The following ARFIP1 variants were observed in gnomAD, a reference collection of about 807,000 sequenced individuals.
ARFIP1 encodes the protein ARF interacting protein 1.
ARFIP1 carries 24 observed loss-of-function variants against 42.5 expected under a neutral mutation model. The observed-to-expected ratio is 0.57, with a 90% CI of 0.41 to 0.80. The LOEUF is 0.80. Among genes scored for constraint, ARFIP1 ranks in the 30% least tolerant of loss-of-function variants. The pLI is 0.00. For synonymous variants in ARFIP1, 141 were observed against 153.7 expected (o/e 0.92, Z 0.61); for missense variants, 354 against 434.0 (o/e 0.82, Z 1.64).
At chr4:152,884,250 G>T (rs372975589) in intron 7 of ARFIP1, among the ~76,000 whole-genome samples, 1 of 152,000 alleles carries the variant, frequency 6.6e-6, no homozygotes, top group Middle Eastern at 3.4e-3. Flanking sequence ...ATAGCCTTCC[G>T]TGGAAATCTC....
intron 1 of ARFIP1, among the ~76,000 whole-genome samples, chr4:152,813,442 C>T (rs901391683): frequency 1.3e-5 from 2 of 151,784 alleles, no homozygotes; most frequent in African/African-American, 4.9e-5. Flanking sequence ...CGTTTTTCCT[C>T]TCCTCCTCTT....
intron 5 of ARFIP1, among the ~76,000 whole-genome samples, chr4:152,879,200 T>G (rs1397661679): frequency 6.6e-6 from 1 of 152,102 alleles, no homozygotes; most frequent in Non-Finnish European, 1.5e-5. Context: ...AAAAAAAGTT[T>G]ATAAGGCTCC....
At chr4:152,842,318 A>C (rs2149857254) in intron 2 of ARFIP1, among the ~76,000 whole-genome samples, 1 of 151,010 alleles carries the variant, frequency 6.6e-6, no homozygotes, top group South Asian at 2.1e-4. Flanking sequence ...CACTCTATTA[A>C]ATCTTGCAAC....
chr4:152,842,990 C>T (rs183141423), intron 2 of ARFIP1, among the ~76,000 whole-genome samples: 1 of 152,012 alleles, frequency 6.6e-6, no homozygotes, highest in Admixed American at 6.6e-5. Flanking sequence ...TGTTGAAGAG[C>T]CTTGTTTTGT....
At chr4:152,850,170 G>A (rs1287491724) in intron 2 of ARFIP1, among the ~76,000 whole-genome samples, 3 of 152,104 alleles carry the variant, frequency 2.0e-5, no homozygotes, top group African/African-American at 7.2e-5. Context: ...GATTTTAAGT[G>A]TTTTACAATT....
At chr4:152,842,665 G>A (rs1278969676) in intron 2 of ARFIP1, among the ~76,000 whole-genome samples, 2 of 151,908 alleles carry the variant, frequency 1.3e-5, no homozygotes, top group Admixed American at 6.6e-5. Flanking sequence ...CCTTGCCTTC[G>A]AGCTCGGAAT....
At chr4:152,820,169 G>A (rs1439284333) in intron 1 of ARFIP1, among the ~76,000 whole-genome samples, 1 of 152,036 alleles carries the variant, frequency 6.6e-6, no homozygotes. Context: ...TTCACCGAGA[G>A]CTTCCACAGC....
At chr4:152,815,538 T>G (rs552290980) in intron 1 of ARFIP1, among the ~76,000 whole-genome samples, 4 of 152,322 alleles carry the variant, frequency 2.6e-5, no homozygotes, top group African/African-American at 9.6e-5. Context: ...AACTTTGATA[T>G]GTCCTAAACT....
In ARFIP1 at chr4:152,870,904, A is replaced by C. The variant is rs141632694; in HGVS notation, c.298+56A>C. 15 of 1,422,886 alleles carry C rather than the reference A, an allele frequency of 1.1e-5. No homozygotes were observed. The Admixed American group carries it at 2.4e-4, about 23-fold the overall frequency. The allele number at this position is 1,422,886 out of a possible 1,614,324, so 88.1% of individuals were successfully genotyped here. ...TATTGCTACTGCTGAAGCTACACTA[A>C]TTTACTCAGTTTCATAATCACTTGC... On this transcript the variant is annotated intron_variant, in intron 4 of 8. Transcript: ENST00000353617.
intron 8 of ARFIP1, among the ~76,000 whole-genome samples, chr4:152,900,989 T>A (rs189901747): frequency 6.6e-6 from 1 of 152,232 alleles, no homozygotes; most frequent in South Asian, 2.1e-4. Flanking sequence ...CAAAAGTAAT[T>A]GCGGTTTTTG....
intron 8 of ARFIP1, among the ~76,000 whole-genome samples, chr4:152,901,651 A>G (rs935535549): frequency 6.6e-6 from 1 of 152,066 alleles, no homozygotes; most frequent in African/African-American, 2.4e-5. Flanking sequence ...TGTTACCTCT[A>G]TCTTCTTTTG....
intron 8 of ARFIP1, among the ~76,000 whole-genome samples, chr4:152,892,894 A>G (rs1339102801): frequency 6.6e-6 from 1 of 152,150 alleles, no homozygotes; most frequent in Non-Finnish European, 1.5e-5. Context: ...GACATAGCTC[A>G]TTTGTCTTCT....
intron 5 of ARFIP1, among the ~76,000 whole-genome samples, chr4:152,873,248 A>G (rs947815780): frequency 6.6e-6 from 1 of 152,242 alleles, no homozygotes; most frequent in African/African-American, 2.4e-5. Flanking sequence ...AACATTAGCC[A>G]CAATTCTCCC....
At chr4:152,864,775 C>T (rs1300889177) in intron 3 of ARFIP1, among the ~76,000 whole-genome samples, 1 of 152,320 alleles carries the variant, frequency 6.6e-6, no homozygotes, top group East Asian at 1.9e-4. Context: ...CAAGTTGCCG[C>T]ATGCCAGCCT....
At chr4:152,904,433 G>T (rs1738131395) in intron 8 of ARFIP1, among the ~76,000 whole-genome samples, 1 of 151,870 alleles carries the variant, frequency 6.6e-6, no homozygotes, top group Admixed American at 6.6e-5. Flanking sequence ...CTCGTGATCT[G>T]CCCGCCTCGG....
At chr4:152,895,321 A>G (rs111959302) in intron 8 of ARFIP1, among the ~76,000 whole-genome samples, 184 of 152,312 alleles carry the variant, frequency 1.2e-3, no homozygotes, top group African/African-American at 4.2e-3. Context: ...AGACTGATGC[A>G]TAATTAGCAC....
chr4:152,841,493 G>T (rs186788552), intron 2 of ARFIP1, among the ~76,000 whole-genome samples: 107 of 152,232 alleles, frequency 7.0e-4, no homozygotes, highest in African/African-American at 2.5e-3. Flanking sequence ...GGACCTGTAT[G>T]ATTTATGCTT....
intron 2 of ARFIP1, among the ~76,000 whole-genome samples, chr4:152,850,880 G>A (rs1019617327): frequency 1.3e-5 from 2 of 152,192 alleles, no homozygotes; most frequent in East Asian, 1.9e-4. Context: ...GGCCACTTAA[G>A]GGGGGTTAAT....
intron 2 of ARFIP1, among the ~76,000 whole-genome samples, chr4:152,853,968 T>TG (rs1180721356): frequency 7.3e-6 from 1 of 136,530 alleles, no homozygotes; most frequent in Non-Finnish European, 1.5e-5. Context: ...TGGAGTGCAG[T>TG]GGGGCACGAT....
Sources: gnomAD v4.1 joint callset for allele counts (sites outside exome capture counted in the v4.1 genomes callset) on GRCh38, gnomAD v4.1.1 for gene constraint, MANE v1.5 for transcripts, NCBI Gene and HGNC (gene_info 2026-07-23, HGNC 2026-07-21) for gene names.